Variants in RALGPS2 observed in about 807,000 individuals in gnomAD.
RALGPS2 encodes ras-specific guanine nucleotide-releasing factor RalGPS2.
Under a neutral mutation model 86.8 loss-of-function variants are expected in RALGPS2, and 43 were observed. The observed-to-expected ratio is 0.50, with a 90% CI of 0.39 to 0.64. RALGPS2 has a LOEUF of 0.64. RALGPS2 is among the 30% of genes least tolerant of loss of function. The pLI, the probability that RALGPS2 is intolerant of heterozygous loss-of-function variation, is 0.00. For synonymous variants in RALGPS2, 243 were observed against 231.3 expected (o/e 1.05, Z -0.46); for missense variants, 536 against 694.6 (o/e 0.77, Z 2.57).
chr1:178,749,635 G>A (rs916327595), intron 1 of RALGPS2, among the ~76,000 whole-genome samples: 2 of 152,064 alleles, frequency 1.3e-5, no homozygotes. Context: ...GTAACACTTG[G>A]GATTTTGTAA....
At chr1:178,857,503 T>A (rs1657669635) in intron 8 of RALGPS2, among the ~76,000 whole-genome samples, 1 of 152,040 alleles carries the variant, frequency 6.6e-6, no homozygotes, top group African/African-American at 2.4e-5. Flanking sequence ...TTTGATGGAG[T>A]TATGTAGCGC....
At chr1:178,898,935 C>T (rs879410510) in intron 17 of RALGPS2, among the ~76,000 whole-genome samples, 1 of 151,850 alleles carries the variant, frequency 6.6e-6, no homozygotes, top group Non-Finnish European at 1.5e-5. Flanking sequence ...CTGCTGTTCT[C>T]AAAGTGAGAA....
Position 178,743,583 on chromosome 1 carries a change from TA to T in RALGPS2, c.-84+18171del, listed in dbSNP as rs1245788868. ...ATGTTGCCATGGAACTAATTTAAGT[TA>T]AAAAAATTAGTTCTGTGGCAACATC... On this transcript the variant is annotated intron_variant, in intron 1 of 19. Transcript: ENST00000367635. Among the ~76,000 whole-genome samples the T allele has an allele frequency of 2.6e-5, 4 of 152,122 alleles. No individual in the cohort carries two copies. The East Asian group carries it at 5.8e-4, about 22-fold the overall frequency.
At chr1:178,806,693 C>G (rs1231038581) in intron 4 of RALGPS2, among the ~76,000 whole-genome samples, 1 of 151,924 alleles carries the variant, frequency 6.6e-6, no homozygotes, top group Non-Finnish European at 1.5e-5. Flanking sequence ...ATGTCTTTTT[C>G]TCATGTATTA....
intron 8 of RALGPS2, among the ~76,000 whole-genome samples, chr1:178,857,477 A>G (rs1657666947): frequency 6.6e-6 from 1 of 152,186 alleles, no homozygotes; most frequent in Non-Finnish European, 1.5e-5. Flanking sequence ...GAATTCCACT[A>G]TAATATGACA....
At chr1:178,735,267 A>G (rs1366327210) in intron 1 of RALGPS2, among the ~76,000 whole-genome samples, 2 of 152,152 alleles carry the variant, frequency 1.3e-5, no homozygotes, top group Non-Finnish European at 2.9e-5. Context: ...CCATGAAGTC[A>G]TACTCCATGA....
At chr1:178,821,533 T>C (rs1655503963) in intron 6 of RALGPS2, 79 bp from the exon 7 acceptor site, 3 of 1,069,338 alleles carry the variant, frequency 2.8e-6, no homozygotes, top group Non-Finnish European at 4.3e-6. Context: ...TTGCCAAGAT[T>C]GTACTTGTTA....
intron 8 of RALGPS2, among the ~76,000 whole-genome samples, chr1:178,864,064 G>T (rs1290186741): frequency 6.6e-6 from 1 of 152,008 alleles, no homozygotes; most frequent in African/African-American, 2.4e-5. Flanking sequence ...AGGATTCTGG[G>T]GAATGAGTTG....
At chr1:178,742,565 G>C (rs1488812278) in intron 1 of RALGPS2, among the ~76,000 whole-genome samples, 3 of 152,136 alleles carry the variant, frequency 2.0e-5, no homozygotes, top group Non-Finnish European at 4.4e-5. Flanking sequence ...GAAAATCATA[G>C]GGATATATAG....
chr1:178,774,725 G>A (rs1339606312), intron 1 of RALGPS2, among the ~76,000 whole-genome samples: 1 of 152,164 alleles, frequency 6.6e-6, no homozygotes, highest in Non-Finnish European at 1.5e-5. Flanking sequence ...TTCTAAGTAG[G>A]TGCGTTAAAT....
chr1:178,773,029 T>C (rs977139128), intron 1 of RALGPS2, among the ~76,000 whole-genome samples: 1 of 152,214 alleles, frequency 6.6e-6, no homozygotes, highest in Non-Finnish European at 1.5e-5. Flanking sequence ...CTCGAACTCC[T>C]GACCTCAGGT....
At chr1:178,889,848 G>C (rs570878430) in intron 14 of RALGPS2, 152 bp downstream of exon 14, 1 of 515,576 alleles carries the variant, frequency 1.9e-6, no homozygotes. Context: ...ATTTAAGTTT[G>C]GATATGTAAG....
At chr1:178,864,860 G>T in intron 8 of RALGPS2, 1 of 857,986 alleles carries the variant, frequency 1.2e-6, no homozygotes, top group African/African-American at 1.7e-5. Flanking sequence ...ATATAACATC[G>T]CAAAATGAAT....
rs184911116 is a variant in RALGPS2 at position 178,880,408 on chromosome 1, C to T, written c.836+1416C>T. 1.3e-3 allele frequency among the ~76,000 whole-genome samples: 192 copies of T among 152,274 alleles called. 1 individual carries two copies. Among genetic ancestry groups the T allele is most frequent in the African/African-American group, 4.2e-3 (176 of 41,558 alleles). On this transcript the variant is annotated intron_variant, in intron 10 of 19. Transcript: ENST00000367635. ...TCTCTCTCACACCATAATAGCAACA[C>T]TGTATTTCTGTACCAATTTTCAGTC... is the stretch of plus-strand genomic sequence containing the variant.
At chr1:178,822,294 T>C (rs1655544343) in intron 7 of RALGPS2, among the ~76,000 whole-genome samples, 1 of 152,124 alleles carries the variant, frequency 6.6e-6, no homozygotes. Flanking sequence ...CATATTTGAG[T>C]AACATGATAT....
At position 178,812,829 on chromosome 1, in the gene RALGPS2, T is replaced by A. The variant is rs760473801; in HGVS notation, c.387+1425T>A. ...GGAGCAATTGTATTCTAACATTCTA[T>A]GGCACTAGGTGGCAGAGCTAGCCTT... is the stretch of plus-strand genomic sequence containing the variant. On this transcript the variant is annotated intron_variant, in intron 6 of 19. Coordinates refer to ENST00000367635, the MANE Select transcript of RALGPS2 (RefSeq NM_152663.5). Among the ~76,000 whole-genome samples the A allele has an allele frequency of 4.6e-5, 7 of 152,248 alleles. No individual in the cohort carries two copies. In the South Asian group the frequency reaches 1.5e-3, roughly 32 times the overall value.
At position 178,823,194 on chromosome 1, in the gene RALGPS2, G is replaced by T. The variant is rs148793371; in HGVS notation, c.480+1490G>T. On this transcript the variant is annotated intron_variant, in intron 7 of 19. Coordinates refer to ENST00000367635, the MANE Select transcript of RALGPS2 (RefSeq NM_152663.5). ...GAAGTTAATTTTTATTTTCCTTGAAGATATTTTCATTGCCTCCCTTATGTA... is the reference window on the plus strand; with the variant it reads ...GAAGTTAATTTTTATTTTCCTTGAATATATTTTCATTGCCTCCCTTATGTA... 5.7e-3 allele frequency among the ~76,000 whole-genome samples: 865 copies of T among 152,266 alleles called. 3 individuals are homozygous for T. Among genetic ancestry groups the T allele is most frequent in the Non-Finnish European group, 9.7e-3 (661 of 68,004 alleles).
At chr1:178,865,692 T>A (rs1165757548) in intron 8 of RALGPS2, 2 of 1,613,954 alleles carry the variant, frequency 1.2e-6, no homozygotes, top group Non-Finnish European at 1.7e-6. Context: ...TTTATTTTTT[T>A]AATTTTGAAT....
At chr1:178,819,860 C>A (rs1655414087) in intron 6 of RALGPS2, among the ~76,000 whole-genome samples, 1 of 152,172 alleles carries the variant, frequency 6.6e-6, no homozygotes, top group Non-Finnish European at 1.5e-5. Flanking sequence ...TCACTGTAGT[C>A]TCTGAACTGA....
Sources: allele counts gnomAD v4.1 joint callset (sites outside exome capture counted in the v4.1 genomes callset), GRCh38; gene constraint gnomAD v4.1.1; transcripts MANE v1.5; gene names NCBI Gene and HGNC (gene_info 2026-07-23, HGNC 2026-07-21).